SUFU: variants seen among roughly 807,000 people sequenced by gnomAD.
The protein encoded by SUFU is suppressor of fused homolog.
In SUFU, 7 loss-of-function variants were observed where a neutral mutation model predicts 58.9. That is an observed-to-expected ratio of 0.12 (90% CI 0.07 to 0.22). The LOEUF is 0.22. SUFU is among the 10% of genes least tolerant of loss of function. The pLI, the probability that SUFU is intolerant of heterozygous loss-of-function variation, is 1.00. For missense variants in SUFU, 451 were observed against 641.3 expected (o/e 0.70, Z 3.20); for synonymous variants, 232 against 254.8 (o/e 0.91, Z 0.85).
chr10:102,592,529 C>T, intron 3 of SUFU, 53 bp from the exon 4 acceptor site: 2 of 1,610,584 alleles, frequency 1.2e-6, no homozygotes, highest in Non-Finnish European at 1.7e-6. Context: ...GCCCAGATTC[C>T]AGGCCTGGAT....
At position 102,509,187 on chromosome 10, in the gene SUFU, C is replaced by T; in HGVS notation, c.201C>T (p.Pro67=). ...IVKYWLGGPD[P]LDYVSMYRNV... ...TTTGCAGGTTGGGTGGCCCAGACCC[C>T]TTGGACTATGTTAGCATGTACAGGA... The change falls in exon 2 of 12, where the codon CCC becomes CCT. Residue 67 remains proline, a synonymous_variant. Transcript: ENST00000369902. 16 of 1,614,154 alleles carry T rather than the reference C, an allele frequency of 9.9e-6. No homozygotes were observed. The highest frequency in any genetic ancestry group is 1.3e-5 in the Non-Finnish European group (15 of 1,180,038).
At chr10:102,506,764 C>T (rs577326053) in intron 1 of SUFU, among the ~76,000 whole-genome samples, 3 of 152,262 alleles carry the variant, frequency 2.0e-5, no homozygotes, top group South Asian at 2.1e-4. Context: ...ATTTGGGATC[C>T]CACGAGGTTT....
chr10:102,514,067 T>C (rs1276385341), intron 2 of SUFU, among the ~76,000 whole-genome samples: 6 of 151,804 alleles, frequency 4.0e-5, no homozygotes, highest in African/African-American at 1.5e-4. Flanking sequence ...TTTTTTTTAT[T>C]GTTGACACGA....
In SUFU at chr10:102,568,938, A is replaced by C. The variant is rs1338578238; in HGVS notation, c.454+18832A>C. On this transcript the variant is annotated intron_variant, in intron 3 of 11. Transcript: ENST00000369902. ...TATATATACACATATATATATATAT[A>C]TATATATATATATATATATATATAT... Among the ~76,000 whole-genome samples the C allele has an allele frequency of 5.5e-4, 27 of 49,240 alleles. 2 individuals are homozygous for C. Among genetic ancestry groups the C allele is most frequent in the Non-Finnish European group, 9.3e-4 (21 of 22,518 alleles). 32.3% of individuals were successfully genotyped at this position (49,240 alleles called of 152,430 possible).
intron 2 of SUFU, among the ~76,000 whole-genome samples, chr10:102,542,685 C>T (rs999076974): frequency 2.7e-5 from 4 of 149,260 alleles, no homozygotes; most frequent in Admixed American, 1.3e-4. Flanking sequence ...AGTGCAGTGG[C>T]GTAATCACAG....
intron 3 of SUFU, among the ~76,000 whole-genome samples, chr10:102,575,962 G>A (rs551684628): frequency 1.3e-5 from 2 of 151,916 alleles, no homozygotes; most frequent in Non-Finnish European, 2.9e-5. Flanking sequence ...CTTAGCCTCT[G>A]AGTGGCTGGG....
intron 3 of SUFU, among the ~76,000 whole-genome samples, chr10:102,550,570 G>T (rs1156974142): frequency 6.6e-6 from 1 of 152,124 alleles, no homozygotes; most frequent in East Asian, 1.9e-4. Flanking sequence ...TCAAAGCATG[G>T]TTCTTATACC....
upstream of SUFU, chr10:102,503,919 G>T (rs2062281965): frequency 1.4e-5 from 7 of 510,592 alleles, no homozygotes; most frequent in East Asian, 2.5e-4. Flanking sequence ...TGGATAGGGT[G>T]CGCCGGCGCC....
chr10:102,619,539 G>A lies in SUFU; in HGVS notation c.1296+2111G>A. The A allele has an allele frequency of 1.8e-6, 2 of 1,088,442 alleles. No homozygotes were observed. The highest frequency in any genetic ancestry group is 4.7e-5 in the Admixed American group (1 of 21,154). The allele number at this position is 1,088,442 out of a possible 1,614,324, so 67.4% of individuals were successfully genotyped here. ...TCACAGGAGAGCTCCTGGGAAGGCTGGCGGAGGCCCCACACCCCAAGCACC... is the reference window on the plus strand; with the variant it reads ...TCACAGGAGAGCTCCTGGGAAGGCTAGCGGAGGCCCCACACCCCAAGCACC... On this transcript the variant is annotated intron_variant, in intron 10 of 11. Transcript: ENST00000369902. This position sits in a 1 kb window ranked among gnomAD's most constrained non-coding sequence, Gnocchi z 4.2.
intron 10 of SUFU, among the ~76,000 whole-genome samples, chr10:102,626,592 G>A (rs2063788784): frequency 6.6e-6 from 1 of 152,128 alleles, no homozygotes; most frequent in Non-Finnish European, 1.5e-5. Context: ...TACTGTGAAT[G>A]GGAATGGAAG....
chr10:102,545,406 T>G (rs1046575558), intron 2 of SUFU, among the ~76,000 whole-genome samples: 3 of 151,578 alleles, frequency 2.0e-5, no homozygotes. Context: ...AGTGCTGGTA[T>G]TACAGGCATG....
At chr10:102,599,295 C>T (rs1398155359) in intron 7 of SUFU, 138 bp from the exon 8 acceptor site, 2 of 745,858 alleles carry the variant, frequency 2.7e-6, no homozygotes, top group Non-Finnish European at 4.9e-6. Context: ...GCGCTTACAT[C>T]TGGATGCGTA....
intron 2 of SUFU, among the ~76,000 whole-genome samples, chr10:102,513,400 G>A (rs987044366): frequency 6.6e-6 from 1 of 152,200 alleles, no homozygotes; most frequent in Non-Finnish European, 1.5e-5. Context: ...CAGAAGCATT[G>A]ATTCATTTTT....
At chr10:102,584,512 G>C in intron 3 of SUFU, among the ~76,000 whole-genome samples, 1 of 152,066 alleles carries the variant, frequency 6.6e-6, no homozygotes, top group South Asian at 2.1e-4. Context: ...TGGTGATTTT[G>C]TCTCAGCTCT....
At chr10:102,599,359 C>A in intron 7 of SUFU, 74 bp from the exon 8 acceptor site, 1 of 1,163,422 alleles carries the variant, frequency 8.6e-7, no homozygotes, top group Non-Finnish European at 1.3e-6. Flanking sequence ...CTCTGCTGAG[C>A]CAGGTTTCAA....
rs768603330 is a variant in SUFU at position 102,617,286 on chromosome 10, C to T, written c.1158-4C>T. 2 of 1,614,220 alleles carry T rather than the reference C, an allele frequency of 1.2e-6. No homozygotes were observed. Among genetic ancestry groups the T allele is most frequent in the Admixed American group, 3.3e-5 (2 of 60,028 alleles). ...CCTCACTGTCTCCATGTTCCCATCTCCAGGGGCAGGCTCCTGCATGGACGG... is the reference window on the plus strand; with the variant it reads ...CCTCACTGTCTCCATGTTCCCATCTTCAGGGGCAGGCTCCTGCATGGACGG... On this transcript the variant is annotated splice_polypyrimidine_tract_variant and splice_region_variant and intron_variant, in intron 9 of 11. Coordinates refer to ENST00000369902, the MANE Select transcript of SUFU (RefSeq NM_016169.4). The surrounding 1 kb of genome is among the most constrained non-coding windows in gnomAD (Gnocchi z 4.4).
Position 102,619,051 on chromosome 10 carries a change from G to A in SUFU, c.1296+1623G>A, listed in dbSNP as rs2063717050. 2 of 1,611,742 alleles carry A rather than the reference G, an allele frequency of 1.2e-6. No homozygotes were observed. Among genetic ancestry groups the A allele is most frequent in the Non-Finnish European group, 1.7e-6 (2 of 1,179,518 alleles). The stretch of plus-strand genomic sequence containing the variant: ...CAAACTGCAGAATCTACCCAGTTAT[G>A]TTTGACATCCTCAGCTCTGAACCTA... On this transcript the variant is annotated intron_variant, in intron 10 of 11. Coordinates refer to ENST00000369902, the MANE Select transcript of SUFU (RefSeq NM_016169.4). This position sits in a 1 kb window ranked among gnomAD's most constrained non-coding sequence, Gnocchi z 4.2.
At chr10:102,603,048 G>A (rs945998069) in intron 8 of SUFU, among the ~76,000 whole-genome samples, 2 of 152,146 alleles carry the variant, frequency 1.3e-5, no homozygotes, top group African/African-American at 4.8e-5. Context: ...AAAGTTCCTG[G>A]GCATCCTCTC....
chr10:102,626,635 CGTT>C (rs2063789238), intron 10 of SUFU, among the ~76,000 whole-genome samples: 1 of 152,052 alleles, frequency 6.6e-6, no homozygotes, highest in South Asian at 2.1e-4. Flanking sequence ...TAAAATGAGA[CGTT>C]GGTCCACAAT....
Sources: allele counts gnomAD v4.1 joint callset (sites outside exome capture counted in the v4.1 genomes callset), GRCh38; gene constraint gnomAD v4.1.1; non-coding constraint Gnocchi (gnomAD v3.1); transcripts MANE v1.5; gene names NCBI Gene and HGNC (gene_info 2026-07-23, HGNC 2026-07-21).